Variants in LHCGR observed in about 807,000 individuals in gnomAD.
The protein encoded by LHCGR is luteinizing hormone/choriogonadotropin receptor.
Under a neutral mutation model 60.7 loss-of-function variants are expected in LHCGR, and 55 were observed. The ratio of observed to expected loss-of-function variants is 0.91; its 90% CI spans 0.73 to 1.13. The LOEUF (loss-of-function observed/expected upper bound fraction) is 1.13. Among genes scored for constraint, LHCGR ranks in the 50% most tolerant of loss-of-function variants. The pLI is 0.00. For missense variants in LHCGR, 862 were observed against 836.0 expected (o/e 1.03, Z -0.38); for synonymous variants, 337 against 316.5 (o/e 1.06, Z -0.69).
At chr2:48,714,470 A>G (rs1668143667) in intron 6 of LHCGR, among the ~76,000 whole-genome samples, 1 of 148,226 alleles carries the variant, frequency 6.7e-6, no homozygotes, top group Admixed American at 6.7e-5. Context: ...GGAAGCCTCC[A>G]GCACTGAGCC....
intron 2 of LHCGR, among the ~76,000 whole-genome samples, chr2:48,729,565 C>T (rs980967940): frequency 1.3e-5 from 2 of 152,204 alleles, no homozygotes; most frequent in African/African-American, 2.4e-5. Context: ...CCTTGTTTTA[C>T]AGCTCTGGAA....
rs897941601 is a variant in LHCGR, at chr2:48,745,414, T to C, written c.161+10097A>G. ...ATGCACACATATGTTTATTGTGGCA[T>C]TATTCACAATAGCAAAGACTTGGAA... On this transcript the variant is annotated intron_variant, in intron 1 of 10. Coordinates refer to ENST00000294954, the MANE Select transcript of LHCGR (RefSeq NM_000233.4). Among the ~76,000 whole-genome samples, 7 of 152,202 alleles carry C rather than the reference T, an allele frequency of 4.6e-5. No homozygotes were observed. In the East Asian group the frequency reaches 7.7e-4, roughly 17 times the overall value.
chr2:48,722,014 G>A (rs1313939919), intron 6 of LHCGR, among the ~76,000 whole-genome samples: 4 of 152,192 alleles, frequency 2.6e-5, no homozygotes, highest in Non-Finnish European at 5.9e-5. Context: ...GCTGGGTGTG[G>A]TGGCACACGC....
chr2:48,692,455 C>T (rs990345551), intron 10 of LHCGR, among the ~76,000 whole-genome samples: 3 of 152,152 alleles, frequency 2.0e-5, no homozygotes, highest in Non-Finnish European at 4.4e-5. Flanking sequence ...GGTGATTTAT[C>T]TTTGGACTAA....
intron 1 of LHCGR, among the ~76,000 whole-genome samples, chr2:48,753,681 C>T (rs149264699): frequency 1.1e-4 from 16 of 152,222 alleles, no homozygotes; most frequent in Non-Finnish European, 1.9e-4. Context: ...GAGAACAGCA[C>T]GTGGCAGCAG....
chr2:48,723,360 G>A, intron 6 of LHCGR, 96 bp downstream of exon 6: 1 of 844,842 alleles, frequency 1.2e-6, no homozygotes. Context: ...CAGTGAGTGA[G>A]GAATGTGGTA....
intron 1 of LHCGR, among the ~76,000 whole-genome samples, chr2:48,743,335 T>G (rs1320778146): frequency 2.0e-5 from 3 of 152,108 alleles, no homozygotes; most frequent in Admixed American, 2.0e-4. Flanking sequence ...CCTCCCTAAC[T>G]CATTTTATGA....
At chr2:48,698,917 C>A in intron 8 of LHCGR, 117 bp from the exon 9 acceptor site, 2 of 778,332 alleles carry the variant, frequency 2.6e-6, no homozygotes, top group Non-Finnish European at 4.1e-6. Context: ...CCTCGGCTCA[C>A]TGCAAGCTCC....
intron 7 of LHCGR, among the ~76,000 whole-genome samples, chr2:48,709,885 A>G (rs1489923393): frequency 6.6e-6 from 1 of 152,134 alleles, no homozygotes; most frequent in Non-Finnish European, 1.5e-5. Context: ...CCCTGGGCTC[A>G]AGTCTGCCAG....
At chr2:48,706,683 C>T (rs1667695738) in intron 8 of LHCGR, among the ~76,000 whole-genome samples, 1 of 152,136 alleles carries the variant, frequency 6.6e-6, no homozygotes, top group Non-Finnish European at 1.5e-5. Context: ...ATCTAATTGG[C>T]TATTGAAGCT....
At chr2:48,698,578 C>T (rs1457140595) in intron 9 of LHCGR, 37 bp downstream of exon 9, 9 of 1,562,196 alleles carry the variant, frequency 5.8e-6, no homozygotes, top group Non-Finnish European at 7.1e-6. Flanking sequence ...ATTTCTGCCA[C>T]AGCTTGGGTA....
At chr2:48,697,595 C>A (rs1297979043) in intron 9 of LHCGR, among the ~76,000 whole-genome samples, 1 of 152,220 alleles carries the variant, frequency 6.6e-6, no homozygotes, top group Non-Finnish European at 1.5e-5. Flanking sequence ...ATGCAAGGTA[C>A]AAATAATGCA....
intron 3 of LHCGR, among the ~76,000 whole-genome samples, 179 bp from the exon 4 acceptor site, chr2:48,725,929 C>A (rs184053942): frequency 1.6e-4 from 24 of 152,132 alleles, no homozygotes; most frequent in Non-Finnish European, 3.5e-4. Context: ...TGGTGAGAGC[C>A]AGTTCCCTAT....
At chr2:48,714,789 T>G (rs768829731) in intron 6 of LHCGR, among the ~76,000 whole-genome samples, 6 of 152,032 alleles carry the variant, frequency 3.9e-5, no homozygotes, top group Non-Finnish European at 7.4e-5. Flanking sequence ...CTACCCAGAA[T>G]AAGACATAAG....
At chr2:48,742,066 A>C (rs1277382795) in intron 1 of LHCGR, among the ~76,000 whole-genome samples, 2 of 152,132 alleles carry the variant, frequency 1.3e-5, no homozygotes, top group Admixed American at 6.5e-5. Context: ...AACAGACTTT[A>C]AACCAACAAA....
intron 1 of LHCGR, among the ~76,000 whole-genome samples, chr2:48,735,146 C>A (rs574311520): frequency 6.6e-6 from 1 of 152,328 alleles, no homozygotes; most frequent in Admixed American, 6.5e-5. Flanking sequence ...TTAGCTTCAT[C>A]AGCTTGGAAC....
chr2:48,693,354 G>C (rs1666954868), intron 10 of LHCGR, among the ~76,000 whole-genome samples: 1 of 152,162 alleles, frequency 6.6e-6, no homozygotes, highest in South Asian at 2.1e-4. Flanking sequence ...TCTCAAAAGG[G>C]ATAAATTTTG....
intron 9 of LHCGR, 34 bp downstream of exon 9, chr2:48,698,581 C>G: frequency 6.4e-7 from 1 of 1,571,328 alleles, no homozygotes; most frequent in Non-Finnish European, 8.8e-7. Flanking sequence ...TCTGCCACAG[C>G]TTGGGTAGGC....
At chr2:48,740,291 G>A (rs945379932) in intron 1 of LHCGR, among the ~76,000 whole-genome samples, 5 of 152,244 alleles carry the variant, frequency 3.3e-5, no homozygotes, top group African/African-American at 1.2e-4. Flanking sequence ...GCCCAGGCTT[G>A]CTTAGGTAAA....
Sources: gnomAD v4.1 joint callset for allele counts (sites outside exome capture counted in the v4.1 genomes callset) on GRCh38, gnomAD v4.1.1 for gene constraint, MANE v1.5 for transcripts, NCBI Gene and HGNC (gene_info 2026-07-23, HGNC 2026-07-21) for gene names.